Variants in KIAA0513 observed in about 807,000 individuals in gnomAD.
KIAA0513 encodes the protein KIAA0513, also known as uncharacterized protein KIAA0513.
A neutral mutation model predicts 56.5 loss-of-function variants in KIAA0513; 39 were observed. The ratio of observed to expected loss-of-function variants is 0.69; its 90% CI spans 0.53 to 0.90. The LOEUF is 0.90. Ranked by LOEUF, KIAA0513 falls within the 40% of genes least tolerant of loss-of-function variation. KIAA0513 has a pLI of 0.00. For synonymous variants in KIAA0513, 268 were observed against 215.6 expected, an observed-to-expected ratio of 1.24 and a Z score of -2.13; for missense variants, 591 against 535.2, an observed-to-expected ratio of 1.10 and a Z score of -1.03.
chr16:85,081,396 G>C lies in KIAA0513; in HGVS notation c.980+4G>C, dbSNP rs773222811. On this transcript the variant is annotated splice_donor_region_variant and intron_variant, in intron 9 of 12. Transcript: ENST00000683363. This position sits in a 1 kb window ranked among gnomAD's most constrained non-coding sequence, Gnocchi z 4.4. ...CAAAGCGATCTCCCACTACCAGGTAGGAGCAAAGTGTGGCCCCATTTGGCC... is the reference window on the plus strand; with the variant it reads ...CAAAGCGATCTCCCACTACCAGGTACGAGCAAAGTGTGGCCCCATTTGGCC... The C allele has an allele frequency of 6.4e-6, 10 of 1,558,886 alleles. No homozygotes were observed. The South Asian group carries it at 9.4e-5, about 15-fold the overall frequency.
chr16:85,088,670 G>A lies in KIAA0513; in HGVS notation c.*345G>A, dbSNP rs1354136425. 1.5e-5 allele frequency: 4 copies of A among 264,008 alleles called. No individual in the cohort carries two copies. The highest frequency in any genetic ancestry group is 1.1e-3 in the Middle Eastern group (1 of 876). The allele number at this position is 264,008 out of a possible 1,614,324, so 16.4% of individuals were successfully genotyped here. On this transcript the variant is annotated 3_prime_UTR_variant, in exon 13 of 13. Coordinates refer to ENST00000683363, the MANE Select transcript of KIAA0513 (RefSeq NM_001388359.1). ...GCCAAGGGCTGGCGAGGGTGGGGGC[G>A]GGCAAGGGATGCAGGCAGGACAGCC...
At position 85,081,521 on chromosome 16, in the gene KIAA0513, A is replaced by G. The variant is rs928533342; in HGVS notation, c.980+129A>G. 7.2e-6 allele frequency: 6 copies of G among 836,568 alleles called. No individual in the cohort carries two copies. Among genetic ancestry groups the G allele is most frequent in the Non-Finnish European group, 1.2e-5 (6 of 508,182 alleles). 51.8% of individuals were successfully genotyped at this position (836,568 alleles called of 1,614,324 possible). On this transcript the variant is annotated intron_variant, in intron 9 of 12. Transcript: ENST00000683363. This position sits in a 1 kb window ranked among gnomAD's most constrained non-coding sequence, Gnocchi z 4.4. ...GTGTCTGTTTTTTCTTCACCCCCTC[A>G]TGGCCCTGGTGCCTCGCAAGCTGCC...
chr16:85,040,963 A>G (rs986116458), intron 1 of KIAA0513, among the ~76,000 whole-genome samples: 4 of 152,200 alleles, frequency 2.6e-5, no homozygotes, highest in African/African-American at 7.2e-5. Flanking sequence ...CAACTCCACC[A>G]TTTCCAGGCT....
rs1327037722 is a variant in KIAA0513, at chr16:85,089,502, G to A, written c.*1177G>A. 6.6e-6 allele frequency: 1 copy of A among 152,550 alleles called. No homozygotes were observed. The allele number at this position is 152,550 out of a possible 1,614,324, so 9.4% of individuals were successfully genotyped here. On this transcript the variant is annotated 3_prime_UTR_variant, in exon 13 of 13. Transcript: ENST00000683363. This position sits in a 1 kb window ranked among gnomAD's most constrained non-coding sequence, Gnocchi z 4.2. The stretch of plus-strand genomic sequence containing the variant: ...CTCCAGGCCAGCCCATGGGCCCGGG[G>A]CCTGACCCCAACACCTGCATGCTGG...
At chr16:85,063,087 A>G (rs978599053) in intron 1 of KIAA0513, 2 of 152,190 alleles carry the variant, frequency 1.3e-5, no homozygotes, top group Non-Finnish European at 2.9e-5. Flanking sequence ...CCTGCCACCC[A>G]TCTGCTTCCT....
At chr16:85,030,742 T>TA (rs56905897) in intron 1 of KIAA0513, among the ~76,000 whole-genome samples, 3,491 of 134,248 alleles carry the variant, frequency 0.026, 127 homozygotes, top group African/African-American at 0.082. Context: ...AGACTCCATC[T>TA]AAAAAAAAAA....
intron 1 of KIAA0513, among the ~76,000 whole-genome samples, chr16:85,032,341 A>G (rs2072976510): frequency 6.6e-6 from 1 of 152,126 alleles, no homozygotes; most frequent in Admixed American, 6.5e-5. Context: ...CTCCATTGTG[A>G]CCTTCTGTTT....
At chr16:85,066,280 T>G (rs947907236) in intron 1 of KIAA0513, among the ~76,000 whole-genome samples, 1 of 152,036 alleles carries the variant, frequency 6.6e-6, no homozygotes, top group South Asian at 2.1e-4. Context: ...GGGAGAGGGC[T>G]GCCCAGGCTG....
chr16:85,063,741 G>T (rs897252637), intron 1 of KIAA0513: 2 of 152,046 alleles, frequency 1.3e-5, no homozygotes, highest in African/African-American at 4.8e-5. Context: ...TGCCAGCACC[G>T]CCAGCCATTT....
intron 9 of KIAA0513, among the ~76,000 whole-genome samples, chr16:85,082,138 T>G (rs751500419): frequency 2.0e-5 from 3 of 152,160 alleles, no homozygotes; most frequent in African/African-American, 4.8e-5. Context: ...ATGGCTGCTG[T>G]TGGGGGGAAG....
At chr16:85,072,251 C>G (rs1381441880) in intron 3 of KIAA0513, among the ~76,000 whole-genome samples, 2 of 152,088 alleles carry the variant, frequency 1.3e-5, no homozygotes, top group African/African-American at 4.8e-5. Context: ...GGATGTCGCA[C>G]TTCAAGGGAA....
chr16:85,068,664 A>G (rs146916032), intron 2 of KIAA0513, among the ~76,000 whole-genome samples: 1 of 152,166 alleles, frequency 6.6e-6, no homozygotes, highest in African/African-American at 2.4e-5. Context: ...ATGAGGTTTC[A>G]CCATGTTGGC....
intron 4 of KIAA0513, among the ~76,000 whole-genome samples, chr16:85,075,217 T>C (rs933589680): frequency 6.6e-6 from 1 of 151,580 alleles, no homozygotes; most frequent in Non-Finnish European, 1.5e-5. Context: ...AAAAATGGCC[T>C]TTAATCCCAC....
At position 85,075,883 on chromosome 16, in the gene KIAA0513, C is replaced by G. The variant is rs776969775; in HGVS notation, c.543C>G (p.Leu181=). 6.2e-7 allele frequency: 1 copy of G among 1,614,046 alleles called. No homozygotes were observed. The highest frequency in any genetic ancestry group is 1.7e-5 in the Admixed American group (1 of 60,014). The part of the protein sequence containing the change: ...QMDDFGPAKN[L]MTMCFTYYHI... ...ATGACTTTGGGCCTGCCAAGAACCT[C>G]ATGACCATGTGCTTCACCTACTACC... The change falls in exon 5 of 13, where the codon CTC becomes CTG. Residue 181 remains leucine, a synonymous_variant. Coordinates refer to ENST00000683363, the MANE Select transcript of KIAA0513 (RefSeq NM_001388359.1).
chr16:85,092,298 T>C lies in KIAA0513; in HGVS notation c.*3973T>C, dbSNP rs2073877254. ...GCTAGGCCCGTGTGGTTAGATCAGC[T>C]TTGTTACTGAATTACCTAAAACCAG... is the stretch of plus-strand genomic sequence containing the variant. On this transcript the variant is annotated 3_prime_UTR_variant, in exon 13 of 13. Transcript: ENST00000683363. 6.6e-6 allele frequency: 1 copy of C among 152,218 alleles called. No homozygotes were observed. Among genetic ancestry groups the C allele is most frequent in the African/African-American group, 2.4e-5 (1 of 41,444 alleles). The allele number at this position is 152,218 out of a possible 1,614,324, so 9.4% of individuals were successfully genotyped here.
At chr16:85,055,481 C>G (rs1358293851) in intron 1 of KIAA0513, among the ~76,000 whole-genome samples, 1 of 152,224 alleles carries the variant, frequency 6.6e-6, no homozygotes, top group African/African-American at 2.4e-5. Flanking sequence ...AGTGAAGTCC[C>G]TTGCTAAAAC....
At chr16:85,057,912 C>T (rs1018014515) in intron 1 of KIAA0513, among the ~76,000 whole-genome samples, 2 of 152,114 alleles carry the variant, frequency 1.3e-5, no homozygotes, top group African/African-American at 4.8e-5. Flanking sequence ...GAGCTGCCCC[C>T]ACTGCCCTCC....
rs75164194 is a variant in KIAA0513 at position 85,028,178 on chromosome 16, G to C, written c.-173+320G>C. Among the ~76,000 whole-genome samples, 679 of 152,344 alleles carry C rather than the reference G, an allele frequency of 4.5e-3. 13 individuals are homozygous for C. Among genetic ancestry groups the C allele is most frequent in the East Asian group, 0.041 (211 of 5,164 alleles). ...AGTGCAACCCGGGCCGCTGCCTGGA[G>C]GAGGCGCCCCCAACCCCGGGGCAGA... On this transcript the variant is annotated intron_variant, in intron 1 of 12. Coordinates refer to ENST00000683363, the MANE Select transcript of KIAA0513 (RefSeq NM_001388359.1).
At position 85,088,425 on chromosome 16, in the gene KIAA0513, G is replaced by A; in HGVS notation, c.*100G>A. On this transcript the variant is annotated 3_prime_UTR_variant, in exon 13 of 13. Transcript: ENST00000683363. Reference sequence around the variant, plus strand: ...CCACCCGATGACCTGCATGAAGCCAGCAGCACCCAGAGCCACTCCTGCTGC... The same window carrying A: ...CCACCCGATGACCTGCATGAAGCCAACAGCACCCAGAGCCACTCCTGCTGC... 1 of 1,003,634 alleles carries A rather than the reference G, an allele frequency of 1.0e-6. No homozygotes were observed. Among genetic ancestry groups the A allele is most frequent in the South Asian group, 1.3e-5 (1 of 75,870 alleles). 62.2% of individuals were successfully genotyped at this position (1,003,634 alleles called of 1,614,324 possible). A position where few individuals can be genotyped will look rare whatever the true frequency, so the allele number is the denominator to read the frequency against.
Sources: gnomAD v4.1 joint callset for allele counts (sites outside exome capture counted in the v4.1 genomes callset) on GRCh38, gnomAD v4.1.1 for gene constraint, Gnocchi (gnomAD v3.1) non-coding constraint, MANE v1.5 for transcripts, NCBI Gene and HGNC (gene_info 2026-07-23, HGNC 2026-07-21) for gene names.